The following SYNE1 variants were observed in gnomAD, a reference collection of about 807,000 sequenced individuals.
The protein encoded by SYNE1 is spectrin repeat containing nuclear envelope protein 1, also known as nesprin-1.
SYNE1 carries 616 observed loss-of-function variants against 1,111.0 expected under a neutral mutation model. That is an observed-to-expected ratio of 0.55 (90% CI 0.52 to 0.59). SYNE1 has a LOEUF of 0.59. Ranked by LOEUF, SYNE1 falls within the 20% of genes least tolerant of loss-of-function variation. The probability of loss-of-function intolerance (pLI) is 0.00; values close to 1 mark genes in which losing one functional copy is unlikely to be tolerated. For missense variants in SYNE1, 10,006 were observed against 10,417.0 expected (o/e 0.96, Z 1.72); for synonymous variants, 3,855 against 3,825.8 (o/e 1.01, Z -0.28).
intron 3 of SYNE1, among the ~76,000 whole-genome samples, chr6:152,596,575 A>T (rs2099582564): frequency 6.6e-6 from 1 of 151,926 alleles, no homozygotes; most frequent in Non-Finnish European, 1.5e-5. Context: ...TTATAGTTTT[A>T]ACTTTTTTAT....
Position 152,331,193 on chromosome 6 carries a change from T to C in SYNE1, c.13492A>G (p.Ser4498Gly). 1 of 1,614,016 alleles carries C rather than the reference T, an allele frequency of 6.2e-7. No individual in the cohort carries two copies. Among genetic ancestry groups the C allele is most frequent in the Non-Finnish European group, 8.5e-7 (1 of 1,180,042 alleles). ...TAAGTCTTGAGGCTGGCTTGTGCAC[T>C]CTTACATGTTTTGACTTGTTTGCTC... ...DVSKQVKTCK[S>G]AQASLKTYQN... The change falls in exon 78 of 146, where the codon AGT (serine) becomes GGT (glycine). Residue 4498 changes from serine (S) to glycine (G), a missense_variant. Transcript: ENST00000367255.
In SYNE1 at chr6:152,281,774, T is replaced by A; in HGVS notation, c.18381+33A>T. The A allele has an allele frequency of 1.9e-6, 3 of 1,613,124 alleles. No homozygotes were observed. In the East Asian group the frequency reaches 6.7e-5, roughly 36 times the overall value. ...TAGTTTAAAAAAATGTGCTTCATGA[T>A]GTTGACATATTCCTTTGAGACCATT... On this transcript the variant is annotated intron_variant, in intron 97 of 145. Transcript: ENST00000367255.
intron 95 of SYNE1, among the ~76,000 whole-genome samples, chr6:152,289,345 G>T (rs2094471563): frequency 2.0e-5 from 3 of 152,168 alleles, no homozygotes. Context: ...TAGTAAGGGT[G>T]AAAAGAAACA....
At chr6:152,319,075 A>G (rs2095806953) in intron 84 of SYNE1, 60 bp from the exon 85 acceptor site, 2 of 1,599,020 alleles carry the variant, frequency 1.3e-6, no homozygotes, top group Non-Finnish European at 1.7e-6. Context: ...AATAGATACT[A>G]AAAATCTCAA....
chr6:152,435,526 T>C (rs933951371), intron 33 of SYNE1: 7 of 173,226 alleles, frequency 4.0e-5, no homozygotes, highest in African/African-American at 1.4e-4. Flanking sequence ...TGGAGATATA[T>C]GGTCTATGTG....
chr6:152,203,943 A>T (rs565672237), intron 126 of SYNE1, among the ~76,000 whole-genome samples: 1 of 152,210 alleles, frequency 6.6e-6, no homozygotes, highest in Non-Finnish European at 1.5e-5. Flanking sequence ...TAGCTTATCA[A>T]TGCTAACCAT....
chr6:152,329,870 T>G lies in SYNE1; in HGVS notation c.14815A>C (p.Arg4939=). The change falls in exon 78 of 146, where the codon AGA becomes CGA. Residue 4939 remains arginine (R), a synonymous_variant. Transcript: ENST00000367255. ...IHQEEVQSSL[R]IMNALSHKEK... ...TTGTGACTCAGCGCATTCATGATTC[T>G]CAAGCTGGACTGGACCTCTTCCTGA... is the stretch of plus-strand genomic sequence containing the variant. 1 of 1,614,170 alleles carries G rather than the reference T, an allele frequency of 6.2e-7. No homozygotes were observed. The highest frequency in any genetic ancestry group is 1.3e-5 in the African/African-American group (1 of 75,028).
At chr6:152,581,985 T>C (rs17779212) in intron 3 of SYNE1, among the ~76,000 whole-genome samples, 25,421 of 151,998 alleles carry the variant, frequency 0.17, 2,331 homozygotes, top group Admixed American at 0.24. Context: ...GGCTTTTTGC[T>C]CTATATCCCA....
chr6:152,483,304 A>AT, intron 13 of SYNE1, 55 bp from the exon 14 acceptor site: 4 of 1,467,558 alleles, frequency 2.7e-6, no homozygotes, highest in Non-Finnish European at 3.8e-6. Context: ...GGCAATTTAT[A>AT]AAATTGCACC....
At chr6:152,323,066 A>G (rs2095920385) in intron 82 of SYNE1, among the ~76,000 whole-genome samples, 1 of 152,208 alleles carries the variant, frequency 6.6e-6, no homozygotes, top group Admixed American at 6.5e-5. Context: ...AGCAAGAGTG[A>G]TGGGAACGGA....
At position 152,237,051 on chromosome 6, in the gene SYNE1, A is replaced by G. The variant is rs958759525; in HGVS notation, c.20068-103T>C. On this transcript the variant is annotated intron_variant, in intron 108 of 145. Coordinates refer to ENST00000367255, the MANE Select transcript of SYNE1 (RefSeq NM_182961.4). ...TGCCTGACAGTCTCTCCTTAAAGTT[A>G]TATCAGAGATGTTTGCGTTGGGCCT... The G allele has an allele frequency of 9.7e-5, 143 of 1,480,552 alleles. 1 individual carries two copies. The South Asian group carries it at 1.5e-3, about 15-fold the overall frequency. The allele number at this position is 1,480,552 out of a possible 1,614,324, so 91.7% of individuals were successfully genotyped here. A position where few individuals can be genotyped will look rare whatever the true frequency, so the allele number is the denominator to read the frequency against.
At chr6:152,136,526 T>A in intron 141 of SYNE1, 92 bp downstream of exon 141, 1 of 1,503,628 alleles carries the variant, frequency 6.7e-7, no homozygotes, top group Non-Finnish European at 9.1e-7. Flanking sequence ...AGCAACTGCG[T>A]CCCTCTAGAA....
intron 128 of SYNE1, among the ~76,000 whole-genome samples, chr6:152,180,695 A>G (rs1188044631): frequency 2.6e-5 from 4 of 152,108 alleles, no homozygotes; most frequent in Admixed American, 2.6e-4. Context: ...AAAGGAATAG[A>G]AAGATGAAAG....
Position 152,447,541 on chromosome 6 carries a change from A to C in SYNE1, c.3586T>G (p.Ser1196Ala). Residue 1196 changes from serine (S) to alanine (A), a missense_variant, in exon 29 of 146, where the codon TCT becomes GCT. Physicochemically the swap from Ser to Ala is moderately conservative, Grantham distance 99. Around this residue, in one of 7 missense-constraint regions of SYNE1, gnomAD observed 1,971 missense variants for 2,084.1 expected, o/e 0.95. Transcript: ENST00000367255. ...SRLKVLTEVS[S>A]ENEAQKQGDE... ...CCCTGCTTTTGGGCTTCATTCTCAG[A>C]AGAAACTTCTGTCAAAACTTTCAGC... is the stretch of plus-strand genomic sequence containing the variant. 6.2e-7 allele frequency: 1 copy of C among 1,614,226 alleles called. No homozygotes were observed. Among genetic ancestry groups the C allele is most frequent in the South Asian group, 1.1e-5 (1 of 91,084 alleles).
In SYNE1 at chr6:152,404,116, T is replaced by TATATACACAC. The variant is rs747022132; in HGVS notation, c.6825+96_6825+97insGTGTGTATAT. On this transcript the variant is annotated intron_variant, in intron 46 of 145. Transcript: ENST00000367255. Reference sequence around the variant, plus strand: ...TATAGATATATGAGATATATATATATACACACACACACACACACACAGAGA... The same window carrying TATATACACAC: ...TATAGATATATGAGATATATATATATATATACACACACACACACACACACACACACAGAGA... 14 of 616,860 alleles carry TATATACACAC rather than the reference T, an allele frequency of 2.3e-5. No individual in the cohort carries two copies. The African/African-American group carries it at 2.5e-4, about 11-fold the overall frequency. 38.2% of individuals were successfully genotyped at this position (616,860 alleles called of 1,614,324 possible). A position where few individuals can be genotyped will look rare whatever the true frequency, so the allele number is the denominator to read the frequency against.
At chr6:152,134,862 A>G in intron 142 of SYNE1, 1 of 507,450 alleles carries the variant, frequency 2.0e-6, no homozygotes, top group East Asian at 3.7e-5. Flanking sequence ...GAACACTAAG[A>G]TTTTTACAAC....
At position 152,398,616 on chromosome 6, in the gene SYNE1, T is replaced by C. The variant is rs2097770115; in HGVS notation, c.7350+3A>G. The C allele has an allele frequency of 1.2e-6, 2 of 1,612,586 alleles. No individual in the cohort carries two copies. Among genetic ancestry groups the C allele is most frequent in the African/African-American group, 1.3e-5 (1 of 75,020 alleles). On this transcript the variant is annotated splice_donor_region_variant and intron_variant, in intron 49 of 145. Coordinates refer to ENST00000367255, the MANE Select transcript of SYNE1 (RefSeq NM_182961.4). ...AGAAGGAAAAGGATGTCAGCTTCTA[T>C]ACCTGAAGATCATGGAGCTTTGCTT...
chr6:152,581,395 C>T (rs1053647226), intron 3 of SYNE1, among the ~76,000 whole-genome samples: 7 of 152,302 alleles, frequency 4.6e-5, no homozygotes, highest in Admixed American at 2.0e-4. Flanking sequence ...ACACAGGAGT[C>T]TCTGAGGGTG....
chr6:152,173,260 A>T (rs1482269044), intron 130 of SYNE1, among the ~76,000 whole-genome samples: 2 of 152,200 alleles, frequency 1.3e-5, no homozygotes, highest in Non-Finnish European at 2.9e-5. Flanking sequence ...TAGATTTGTT[A>T]TCAGTAAATC....
Sources: allele counts gnomAD v4.1 joint callset (sites outside exome capture counted in the v4.1 genomes callset), GRCh38; gene constraint gnomAD v4.1.1; regional missense constraint gnomAD v4.1.1; transcripts MANE v1.5; gene names NCBI Gene and HGNC (gene_info 2026-07-23, HGNC 2026-07-21).